The following PCSK2 variants were observed in gnomAD, a reference collection of about 807,000 sequenced individuals.
PCSK2 encodes neuroendocrine convertase 2.
Under a neutral mutation model 69.7 loss-of-function variants are expected in PCSK2, and 14 were observed. The observed-to-expected ratio is 0.20, with a 90% CI of 0.13 to 0.31. PCSK2 has a LOEUF of 0.31. Among genes scored for constraint, PCSK2 ranks in the 10% least tolerant of loss-of-function variants. PCSK2 has a pLI of 1.00. For missense variants in PCSK2, 544 were observed against 842.5 expected (o/e 0.65, Z 4.39); for synonymous variants, 307 against 320.7 (o/e 0.96, Z 0.46).
intron 4 of PCSK2, among the ~76,000 whole-genome samples, chr20:17,366,522 G>T (rs1486434234): frequency 6.6e-6 from 1 of 152,150 alleles, no homozygotes; most frequent in African/African-American, 2.4e-5. Flanking sequence ...AAAGCATGAA[G>T]TATAAGAATG....
intron 2 of PCSK2, among the ~76,000 whole-genome samples, chr20:17,311,243 A>T (rs1297635407): frequency 1.3e-5 from 2 of 152,186 alleles, no homozygotes; most frequent in Non-Finnish European, 2.9e-5. Flanking sequence ...AGTAGATTTT[A>T]AAAAGATTTC....
chr20:17,238,848 A>T (rs145815833), intron 1 of PCSK2, among the ~76,000 whole-genome samples: 90 of 152,358 alleles, frequency 5.9e-4, no homozygotes, highest in African/African-American at 2.1e-3. Flanking sequence ...TAAAAGACAG[A>T]ATAGGAATTT....
chr20:17,255,820 T>G (rs1191249257), intron 1 of PCSK2, among the ~76,000 whole-genome samples: 2 of 152,198 alleles, frequency 1.3e-5, no homozygotes, highest in African/African-American at 4.8e-5. Context: ...CCTACTTGGT[T>G]ATGATGAAAA....
At chr20:17,461,516 A>G (rs1352201801) in intron 10 of PCSK2, among the ~76,000 whole-genome samples, 1 of 152,228 alleles carries the variant, frequency 6.6e-6, no homozygotes, top group Non-Finnish European at 1.5e-5. Context: ...CCAACAAGTA[A>G]AGGGATTAAA....
chr20:17,361,380 C>T (rs1568618133), intron 4 of PCSK2, among the ~76,000 whole-genome samples: 1 of 152,210 alleles, frequency 6.6e-6, no homozygotes, highest in Non-Finnish European at 1.5e-5. Context: ...ATATGAAAAC[C>T]AATGGGCTTG....
chr20:17,383,591 A>C (rs888202104), intron 5 of PCSK2, among the ~76,000 whole-genome samples: 2 of 152,224 alleles, frequency 1.3e-5, no homozygotes, highest in African/African-American at 4.8e-5. Flanking sequence ...TTTCAAGCTG[A>C]AAAATTAACC....
chr20:17,420,720 G>A (rs1055920310), intron 6 of PCSK2, among the ~76,000 whole-genome samples: 6 of 152,192 alleles, frequency 3.9e-5, no homozygotes, highest in Non-Finnish European at 8.8e-5. Flanking sequence ...CTTTTCTTAA[G>A]AGAGAGAAAT....
chr20:17,391,947 AGG>A (rs376745045), intron 5 of PCSK2, among the ~76,000 whole-genome samples: 21 of 124,750 alleles, frequency 1.7e-4, no homozygotes, highest in South Asian at 2.8e-4. Context: ...GAAGGAAGGA[AGG>A]GGAAGGGAAA....
intron 8 of PCSK2, among the ~76,000 whole-genome samples, chr20:17,442,838 G>T (rs6136092): frequency 0.081 from 12,336 of 152,218 alleles, 585 homozygotes; most frequent in East Asian, 0.17. Flanking sequence ...CTCGTTAGAG[G>T]ACTCTTCTGA....
At chr20:17,307,000 G>T (rs1273039422) in intron 2 of PCSK2, among the ~76,000 whole-genome samples, 1 of 152,144 alleles carries the variant, frequency 6.6e-6, no homozygotes, top group Non-Finnish European at 1.5e-5. Flanking sequence ...TCTACTAAAG[G>T]TGGAATGATA....
rs909215985 is a variant in PCSK2 at position 17,482,718 on chromosome 20, A to G, written c.*648A>G. On this transcript the variant is annotated 3_prime_UTR_variant, in exon 12 of 12. Coordinates refer to ENST00000262545, the MANE Select transcript of PCSK2 (RefSeq NM_002594.5). ...ATATTTTACTACCAATGCCAAGATA[A>G]TTCACTCTACTCAGCCGGCGTGGCA... The G allele has an allele frequency of 6.6e-6, 1 of 152,480 alleles. No homozygotes were observed. The highest frequency in any genetic ancestry group is 1.5e-5 in the Non-Finnish European group (1 of 68,040). The allele number at this position is 152,480 out of a possible 1,614,324, so 9.4% of individuals were successfully genotyped here. A position where few individuals can be genotyped will look rare whatever the true frequency, so the allele number is the denominator to read the frequency against.
chr20:17,345,028 A>G (rs989718819), intron 2 of PCSK2, among the ~76,000 whole-genome samples: 4 of 152,250 alleles, frequency 2.6e-5, no homozygotes, highest in African/African-American at 9.6e-5. Context: ...GTAAGTGATA[A>G]CACCTGGATG....
chr20:17,388,375 C>T (rs1380450921), intron 5 of PCSK2, among the ~76,000 whole-genome samples: 1 of 151,910 alleles, frequency 6.6e-6, no homozygotes, highest in East Asian at 1.9e-4. Context: ...CAGATGGGGG[C>T]TTTTCTAGGA....
chr20:17,362,803 A>G (rs76867026), intron 4 of PCSK2, among the ~76,000 whole-genome samples: 2 of 152,268 alleles, frequency 1.3e-5, no homozygotes, highest in African/African-American at 4.8e-5. Context: ...AATGCATCAC[A>G]TGCTATTCCA....
intron 5 of PCSK2, among the ~76,000 whole-genome samples, chr20:17,373,626 T>C (rs369338701): frequency 3.5e-4 from 54 of 152,338 alleles, no homozygotes; most frequent in African/African-American, 1.2e-3. Flanking sequence ...CAGTGAGGAT[T>C]GAAAACTCTA....
At chr20:17,479,159 C>A (rs966168543) in intron 11 of PCSK2, 1 of 1,387,208 alleles carries the variant, frequency 7.2e-7, no homozygotes, top group African/African-American at 1.4e-5. Context: ...GTACAGGTTC[C>A]ATCAGATGTG....
At chr20:17,448,041 A>T (rs1160921845) in intron 8 of PCSK2, among the ~76,000 whole-genome samples, 1 of 152,248 alleles carries the variant, frequency 6.6e-6, no homozygotes, top group South Asian at 2.1e-4. Flanking sequence ...TATTCCAATT[A>T]TTCTATAATA....
At chr20:17,303,516 A>AT (rs1274454263) in intron 2 of PCSK2, among the ~76,000 whole-genome samples, 2,762 of 27,426 alleles carry the variant, frequency 0.1, 203 homozygotes, top group African/African-American at 0.23. Flanking sequence ...TATTATATAT[A>AT]ATATAATATA....
At chr20:17,299,960 T>G (rs775938708) in intron 2 of PCSK2, among the ~76,000 whole-genome samples, 4 of 152,110 alleles carry the variant, frequency 2.6e-5, no homozygotes, top group Admixed American at 6.5e-5. Flanking sequence ...CTTCTTAGAG[T>G]CTAGGGATGT....
Sources: gnomAD v4.1 joint callset for allele counts (sites outside exome capture counted in the v4.1 genomes callset) on GRCh38, gnomAD v4.1.1 for gene constraint, MANE v1.5 for transcripts, NCBI Gene and HGNC (gene_info 2026-07-23, HGNC 2026-07-21) for gene names.